Variants in CNOT6L observed in about 807,000 individuals in gnomAD.
The protein encoded by CNOT6L is CCR4-NOT transcription complex subunit 6-like.
CNOT6L carries 7 observed loss-of-function variants against 64.0 expected under a neutral mutation model. The observed-to-expected ratio is 0.11, with a 90% CI of 0.06 to 0.21. The LOEUF is 0.21. CNOT6L is among the 10% of genes least tolerant of loss of function. The probability of loss-of-function intolerance (pLI) is 1.00; values close to 1 mark genes in which losing one functional copy is unlikely to be tolerated. For missense variants in CNOT6L, 245 were observed against 669.0 expected, an observed-to-expected ratio of 0.37 and a Z score of 6.99; for synonymous variants, 193 against 243.4, an observed-to-expected ratio of 0.79 and a Z score of 1.93.
chr4:77,792,842 T>C (rs1730326328), intron 1 of CNOT6L, among the ~76,000 whole-genome samples: 1 of 151,368 alleles, frequency 6.6e-6, no homozygotes, highest in Non-Finnish European at 1.5e-5. Context: ...CATACTGAAG[T>C]CCCCTCTAAA....
intron 8 of CNOT6L, among the ~76,000 whole-genome samples, chr4:77,733,867 T>C (rs1722687762): frequency 6.6e-6 from 1 of 152,074 alleles, no homozygotes; most frequent in African/African-American, 2.4e-5. Context: ...CTCCATGTCT[T>C]CTCCGGAAAA....
chr4:77,726,698 C>T (rs566900553), intron 10 of CNOT6L, among the ~76,000 whole-genome samples: 2 of 152,230 alleles, frequency 1.3e-5, no homozygotes, highest in South Asian at 4.1e-4. Context: ...AAGGTATTAA[C>T]CCTAAATGTT....
chr4:77,760,868 T>A (rs1301432147), intron 4 of CNOT6L, among the ~76,000 whole-genome samples: 1 of 43,994 alleles, frequency 2.3e-5, no homozygotes, highest in Non-Finnish European at 5.1e-5. Flanking sequence ...GGCTTTTTTT[T>A]TTTTTTTTTT....
At chr4:77,732,386 A>G (rs888190439) in intron 8 of CNOT6L, among the ~76,000 whole-genome samples, 1 of 152,108 alleles carries the variant, frequency 6.6e-6, no homozygotes, top group Non-Finnish European at 1.5e-5. Context: ...TTTATAAGTA[A>G]TCAAAACCTA....
At chr4:77,805,198 A>G (rs1317215157) in intron 1 of CNOT6L, among the ~76,000 whole-genome samples, 2 of 152,220 alleles carry the variant, frequency 1.3e-5, no homozygotes, top group Non-Finnish European at 2.9e-5. Flanking sequence ...GATCGCCATG[A>G]AGCAGGATAA....
chr4:77,779,682 T>C (rs1054330009), intron 1 of CNOT6L, among the ~76,000 whole-genome samples: 7 of 152,162 alleles, frequency 4.6e-5, no homozygotes, highest in Non-Finnish European at 1.0e-4. Flanking sequence ...GACCAAAGGC[T>C]GGGCGCAGTG....
intron 1 of CNOT6L, among the ~76,000 whole-genome samples, chr4:77,816,341 A>T (rs1285615294): frequency 6.6e-6 from 1 of 152,202 alleles, no homozygotes; most frequent in Admixed American, 6.5e-5. Context: ...ACTAAATAAG[A>T]GCAGATTCAT....
chr4:77,812,456 A>G (rs1733066981), intron 1 of CNOT6L, among the ~76,000 whole-genome samples: 2 of 151,448 alleles, frequency 1.3e-5, no homozygotes, highest in Non-Finnish European at 2.9e-5. Context: ...AAGAAAAAAA[A>G]AACTATTAGA....
At position 77,758,831 on chromosome 4, in the gene CNOT6L, G is replaced by A. The variant is rs142198306; in HGVS notation, c.401-1880C>T. The stretch of plus-strand genomic sequence containing the variant: ...CCAAAAGGGGGCAAGAGAAAGTAAT[G>A]TTCTCCTTAGTAAGTACTATCTTCA... On this transcript the variant is annotated intron_variant, in intron 4 of 11. Transcript: ENST00000504123. 9.9e-4 allele frequency among the ~76,000 whole-genome samples: 151 copies of A among 152,300 alleles called. 1 individual carries two copies. Among genetic ancestry groups the A allele is most frequent in the African/African-American group, 3.1e-3 (130 of 41,550 alleles).
At chr4:77,728,731 C>T (rs1722140625) in intron 10 of CNOT6L, 123 bp downstream of exon 10, 1 of 726,232 alleles carries the variant, frequency 1.4e-6, no homozygotes, top group Admixed American at 2.4e-5. Context: ...ACCTTGTGTC[C>T]CATCCATGGA....
At chr4:77,817,137 T>C (rs958612389) in intron 1 of CNOT6L, among the ~76,000 whole-genome samples, 2 of 152,224 alleles carry the variant, frequency 1.3e-5, no homozygotes, top group Admixed American at 6.5e-5. Context: ...ATGTGCTATA[T>C]AGAGGTTGAA....
rs1725629788 is a variant in CNOT6L at position 77,756,858 on chromosome 4, T to TTTGTCACTAACAA, written c.490+3_490+4insTTGTTAGTGACAA. 1 of 1,582,912 alleles carries TTTGTCACTAACAA rather than the reference T, an allele frequency of 6.3e-7. No individual in the cohort carries two copies. ...TATTTTACAGCTTTGTCACTAACAG[T>TTTGTCACTAACAA]TACCTGCGAGATTGTCAAGCATGAA... On this transcript the variant is annotated splice_donor_region_variant and intron_variant, in intron 5 of 11. Coordinates refer to ENST00000504123, the MANE Select transcript of CNOT6L (RefSeq NM_144571.3).
rs1374166691 is a variant in CNOT6L, at chr4:77,718,993, A to C, written c.*1438T>G. 1 of 152,550 alleles carries C rather than the reference A, an allele frequency of 6.6e-6. No individual in the cohort carries two copies. Among genetic ancestry groups the C allele is most frequent in the Admixed American group, 6.6e-5 (1 of 15,252 alleles). The allele number at this position is 152,550 out of a possible 1,614,324, so 9.4% of individuals were successfully genotyped here. On this transcript the variant is annotated 3_prime_UTR_variant, in exon 12 of 12. Coordinates refer to ENST00000504123, the MANE Select transcript of CNOT6L (RefSeq NM_144571.3). ...CACATTTTGAGACTAGAAACAGTAA[A>C]GTGCATGAAAAGTTTAAAATATAAA...
At chr4:77,778,996 G>T (rs1728493659) in intron 1 of CNOT6L, among the ~76,000 whole-genome samples, 1 of 140,172 alleles carries the variant, frequency 7.1e-6, no homozygotes, top group Non-Finnish European at 1.5e-5. Flanking sequence ...GCAGTGGGCC[G>T]AGATCGCGCC....
chr4:77,748,157 T>C (rs765390196), intron 6 of CNOT6L, among the ~76,000 whole-genome samples, 159 bp downstream of exon 6: 26 of 152,236 alleles, frequency 1.7e-4, no homozygotes, highest in Non-Finnish European at 2.6e-4. Context: ...TTGACAGGTC[T>C]ATCTTAATGT....
Position 77,717,486 on chromosome 4 carries a change from A to ATTTTC in CNOT6L, c.*2940_*2944dup, listed in dbSNP as rs751623941. ...TGTATCACATTCTAAAAATGCCCAG[A>ATTTTC]TTTTCTTTTATCTTCTGATTAAAAT... On this transcript the variant is annotated 3_prime_UTR_variant, in exon 12 of 12. Coordinates refer to ENST00000504123, the MANE Select transcript of CNOT6L (RefSeq NM_144571.3). The ATTTTC allele has an allele frequency of 8.5e-5, 13 of 152,376 alleles. No homozygotes were observed. The highest frequency in any genetic ancestry group is 1.5e-4 in the Non-Finnish European group (10 of 67,992). The allele number at this position is 152,376 out of a possible 1,614,324, so 9.4% of individuals were successfully genotyped here.
chr4:77,739,136 T>C (rs986069208), intron 8 of CNOT6L, among the ~76,000 whole-genome samples: 3 of 152,202 alleles, frequency 2.0e-5, no homozygotes, highest in African/African-American at 7.2e-5. Flanking sequence ...TATCCTTTCA[T>C]CATGATGGAT....
chr4:77,788,373 G>A (rs1388727768), intron 1 of CNOT6L, among the ~76,000 whole-genome samples: 5 of 152,172 alleles, frequency 3.3e-5, no homozygotes, highest in Non-Finnish European at 7.4e-5. Context: ...AAGGTTAACA[G>A]TTTTAAACAT....
chr4:77,768,432 T>C (rs1456751598), intron 4 of CNOT6L, among the ~76,000 whole-genome samples: 3 of 148,020 alleles, frequency 2.0e-5, no homozygotes, highest in African/African-American at 7.5e-5. Flanking sequence ...GCCACTGCAC[T>C]CCAGCCTGGG....
Sources: allele counts gnomAD v4.1 joint callset (sites outside exome capture counted in the v4.1 genomes callset), GRCh38; gene constraint gnomAD v4.1.1; transcripts MANE v1.5; gene names NCBI Gene and HGNC (gene_info 2026-07-23, HGNC 2026-07-21).